The following LOC128462377 variants were observed in gnomAD, a reference collection of about 807,000 sequenced individuals.
chr16:89,346,899 G>A, the LOC128462377 span, among the ~76,000 whole-genome samples: 2 of 152,314 alleles, frequency 1.3e-5, no homozygotes, highest in South Asian at 4.1e-4. Flanking sequence ...AAAGTCAAAG[G>A]TGAGTTTTAT....
chr16:89,379,220 G>A, the LOC128462377 span, among the ~76,000 whole-genome samples: 3 of 152,370 alleles, frequency 2.0e-5, no homozygotes, highest in South Asian at 2.1e-4. Flanking sequence ...GGTGCACACC[G>A]TCTGTATGTG....
the LOC128462377 span, among the ~76,000 whole-genome samples, chr16:89,361,019 G>A: frequency 1.3e-5 from 2 of 152,152 alleles, no homozygotes; most frequent in African/African-American, 2.4e-5. Context: ...CACAGTGAAC[G>A]ACTCCAAACC....
At chr16:89,338,390 T>C in the LOC128462377 span, among the ~76,000 whole-genome samples, 4 of 145,124 alleles carry the variant, frequency 2.8e-5, no homozygotes, top group African/African-American at 1.0e-4. Flanking sequence ...GAAAAGGGCC[T>C]GAGTGGAAAT....
At chr16:89,338,661 G>A in the LOC128462377 span, among the ~76,000 whole-genome samples, 2 of 138,254 alleles carry the variant, frequency 1.4e-5, no homozygotes, top group Non-Finnish European at 1.5e-5. Context: ...GGAAGCTGAG[G>A]TTGCAGTGAG....
the LOC128462377 span, among the ~76,000 whole-genome samples, chr16:89,413,921 C>T: frequency 3.3e-5 from 5 of 152,160 alleles, no homozygotes; most frequent in African/African-American, 9.7e-5. Flanking sequence ...CCTTCCCCTC[C>T]CCACCTCCAA....
the LOC128462377 span, among the ~76,000 whole-genome samples, chr16:89,349,154 A>AAAAAAAAAAAAAGAAAAAAG: frequency 6.8e-6 from 1 of 146,618 alleles, no homozygotes; most frequent in Non-Finnish European, 1.5e-5. Flanking sequence ...AAAAAAAAAA[A>AAAAAAAAAAAAAGAAAAAAG]AAAAAAAGAA....
chr16:89,332,327 C>G, the LOC128462377 span, among the ~76,000 whole-genome samples: 1 of 152,190 alleles, frequency 6.6e-6, no homozygotes, highest in Non-Finnish European at 1.5e-5. Context: ...TCCGTGAAGT[C>G]CTGGGATGGC....
the LOC128462377 span, among the ~76,000 whole-genome samples, chr16:89,381,354 A>AAAAAAAAAAAAG: frequency 1.6e-4 from 20 of 125,344 alleles, no homozygotes; most frequent in African/African-American, 6.3e-4. Flanking sequence ...AAAAAAAAAA[A>AAAAAAAAAAAAG]GGGGTGAGAA....
At chr16:89,366,784 C>G in the LOC128462377 span, among the ~76,000 whole-genome samples, 4 of 152,348 alleles carry the variant, frequency 2.6e-5, no homozygotes, top group African/African-American at 4.8e-5. Flanking sequence ...GTCCCACTTC[C>G]GGGGGCACCC....
the LOC128462377 span, among the ~76,000 whole-genome samples, chr16:89,334,631 G>A: frequency 6.6e-6 from 1 of 152,052 alleles, no homozygotes; most frequent in Admixed American, 6.5e-5. Flanking sequence ...AGAGCCCAGC[G>A]CAGTCTCAGC....
At chr16:89,331,904 G>T in the LOC128462377 span, among the ~76,000 whole-genome samples, 1 of 152,188 alleles carries the variant, frequency 6.6e-6, no homozygotes, top group East Asian at 1.9e-4. Flanking sequence ...GGTGGCTCCT[G>T]CACGTGGGCC....
At chr16:89,367,043 G>A in the LOC128462377 span, among the ~76,000 whole-genome samples, 1 of 152,248 alleles carries the variant, frequency 6.6e-6, no homozygotes, top group South Asian at 2.1e-4. Flanking sequence ...GCCCAGCCAC[G>A]GCTCCTTCTG....
At chr16:89,350,203 C>A in the LOC128462377 span, among the ~76,000 whole-genome samples, 5 of 152,176 alleles carry the variant, frequency 3.3e-5, no homozygotes, top group African/African-American at 1.2e-4. Context: ...AAGGACAGAG[C>A]AGATGGAATT....
chr16:89,327,990 T>C, the LOC128462377 span, among the ~76,000 whole-genome samples: 65 of 152,338 alleles, frequency 4.3e-4, no homozygotes, highest in African/African-American at 1.5e-3. Context: ...ACAAGTCAGA[T>C]AGCAGGCTTG....
At chr16:89,371,459 G>A in the LOC128462377 span, among the ~76,000 whole-genome samples, 2 of 152,204 alleles carry the variant, frequency 1.3e-5, no homozygotes, top group African/African-American at 2.4e-5. Context: ...AGAAGGGGCC[G>A]CTGACGCCAG....
At chr16:89,391,671 T>G in the LOC128462377 span, among the ~76,000 whole-genome samples, 1 of 152,200 alleles carries the variant, frequency 6.6e-6, no homozygotes, top group Non-Finnish European at 1.5e-5. Flanking sequence ...ATGATTTTAA[T>G]ACCCTGTTCT....
the LOC128462377 span, among the ~76,000 whole-genome samples, chr16:89,406,449 GA>G: frequency 6.6e-6 from 1 of 152,226 alleles, no homozygotes; most frequent in Admixed American, 6.5e-5. Context: ...CAGCTGCTGA[GA>G]AGGCCGCACG....
At chr16:89,320,941 C>T in the LOC128462377 span, among the ~76,000 whole-genome samples, 1 of 152,246 alleles carries the variant, frequency 6.6e-6, no homozygotes, top group Non-Finnish European at 1.5e-5. Context: ...GTGACAGGAA[C>T]AACGATGGCC....
the LOC128462377 span, among the ~76,000 whole-genome samples, chr16:89,358,374 G>A: frequency 6.6e-6 from 1 of 152,236 alleles, no homozygotes; most frequent in Non-Finnish European, 1.5e-5. Flanking sequence ...TTGCAAACAT[G>A]CACAGCTTAG....
Sources: gnomAD v4.1 joint callset for allele counts (sites outside exome capture counted in the v4.1 genomes callset) on GRCh38, gnomAD v4.1.1 for gene constraint, MANE v1.5 for transcripts.